MCPH1: variants seen among roughly 807,000 people sequenced by gnomAD.
The protein encoded by MCPH1 is microcephalin.
In MCPH1, 104 loss-of-function variants were observed where a neutral mutation model predicts 84.5. That is an observed-to-expected ratio of 1.23 (90% confidence interval 1.05 to 1.45). The LOEUF (loss-of-function observed/expected upper bound fraction) is 1.45, where lower values mean the gene tolerates loss of function less well. Among genes scored for constraint, MCPH1 ranks in the 40% most tolerant of loss-of-function variants. MCPH1 has a pLI of 0.00. For synonymous variants in MCPH1, 514 were observed against 366.8 expected, an observed-to-expected ratio of 1.40 and a Z score of -4.58; for missense variants, 1,498 against 1,005.7, an observed-to-expected ratio of 1.49 and a Z score of -6.62.
chr8:6,530,791 G>A (rs1819355206), intron 12 of MCPH1, among the ~76,000 whole-genome samples: 1 of 152,116 alleles, frequency 6.6e-6, no homozygotes, highest in Non-Finnish European at 1.5e-5. Flanking sequence ...TTTCACTACT[G>A]TTTTCTCTGA....
At position 6,644,719 on chromosome 8, in the gene MCPH1, C is replaced by T. The variant is rs375428244; in HGVS notation, c.*1670C>T. On this transcript the variant is annotated 3_prime_UTR_variant, in exon 14 of 14. Coordinates refer to ENST00000344683, the MANE Select transcript of MCPH1 (RefSeq NM_024596.5). ...TGCCACTGAGCCCTCATCGTGGTGC[C>T]GTTCCCGCTCTGGGTTATTTATCTG... is the stretch of plus-strand genomic sequence containing the variant. 3.3e-5 allele frequency: 5 copies of T among 152,176 alleles called. No homozygotes were observed. The highest frequency in any genetic ancestry group is 7.2e-5 in the African/African-American group (3 of 41,442). The allele number at this position is 152,176 out of a possible 1,614,324, so 9.4% of individuals were successfully genotyped here.
chr8:6,569,954 C>T (rs1339962167), intron 12 of MCPH1, among the ~76,000 whole-genome samples: 5 of 152,204 alleles, frequency 3.3e-5, no homozygotes, highest in African/African-American at 1.2e-4. Context: ...TGAGCCGGGA[C>T]CATCCTATTA....
At chr8:6,604,527 C>T (rs750197087) in intron 12 of MCPH1, among the ~76,000 whole-genome samples, 10 of 152,228 alleles carry the variant, frequency 6.6e-5, no homozygotes, top group African/African-American at 2.2e-4. Flanking sequence ...TGTTTTGAGA[C>T]GGAGTCTCAC....
At chr8:6,449,420 G>C (rs1167064483) in intron 8 of MCPH1, among the ~76,000 whole-genome samples, 1 of 152,052 alleles carries the variant, frequency 6.6e-6, no homozygotes, top group Non-Finnish European at 1.5e-5. Flanking sequence ...GATCACTTGA[G>C]GTCAGGAGTT....
At chr8:6,528,191 C>T (rs1269900997) in intron 12 of MCPH1, among the ~76,000 whole-genome samples, 1 of 152,206 alleles carries the variant, frequency 6.6e-6, no homozygotes, top group Admixed American at 6.5e-5. Context: ...AGCCACTGCA[C>T]CCGGCCGTTA....
In MCPH1 at chr8:6,524,867, C is replaced by G. The variant is rs184900380; in HGVS notation, c.2214+24938C>G. Among the ~76,000 whole-genome samples, 3 of 152,330 alleles carry G rather than the reference C, an allele frequency of 2.0e-5. No individual in the cohort carries two copies. In the East Asian group the frequency reaches 5.8e-4, roughly 29 times the overall value. ...GACCCTGAGAAGTCACCTTTGGTGT[C>G]ACGAGCACCTTCAGGTGAAAGGAAG... On this transcript the variant is annotated intron_variant, in intron 12 of 13. Transcript: ENST00000344683.
chr8:6,521,427 T>C, intron 12 of MCPH1: 11 of 1,560,278 alleles, frequency 7.1e-6, no homozygotes, highest in Non-Finnish European at 9.7e-6. Context: ...AGGAAAAGAA[T>C]TGTTAGTTAG....
Position 6,519,971 on chromosome 8 carries a change from T to C in MCPH1, c.2214+20042T>C. The C allele has an allele frequency of 1.9e-6, 3 of 1,614,158 alleles. No individual in the cohort carries two copies. In the South Asian group the frequency reaches 3.3e-5, roughly 18 times the overall value. ...TCTCTGAAGCTGATTTGTTCTTCTT[T>C]AGCAACAGTGGGGTCCTTAGCTGCT... On this transcript the variant is annotated intron_variant, in intron 12 of 13. Transcript: ENST00000344683.
chr8:6,414,207 C>A (rs2442547), intron 2 of MCPH1, among the ~76,000 whole-genome samples: 1 of 152,252 alleles, frequency 6.6e-6, no homozygotes, highest in East Asian at 1.9e-4. Context: ...AAGGTTTCAC[C>A]AGGTTGGCTA....
chr8:6,415,430 C>G (rs1446866909), intron 3 of MCPH1, among the ~76,000 whole-genome samples: 4 of 151,758 alleles, frequency 2.6e-5, no homozygotes, highest in African/African-American at 7.3e-5. Context: ...TGGGATTCAT[C>G]TCAACCTTTG....
chr8:6,551,299 G>T (rs991153386), intron 12 of MCPH1, among the ~76,000 whole-genome samples: 20 of 152,162 alleles, frequency 1.3e-4, no homozygotes, highest in African/African-American at 4.3e-4. Flanking sequence ...GGTGAAGAAG[G>T]GGAAAGGAAG....
At chr8:6,432,110 A>G (rs1801925057) in intron 4 of MCPH1, among the ~76,000 whole-genome samples, 1 of 152,176 alleles carries the variant, frequency 6.6e-6, no homozygotes, top group African/African-American at 2.4e-5. Context: ...TTTGCATGTA[A>G]CCTACACAAA....
At chr8:6,615,984 G>C (rs938208386) in intron 12 of MCPH1, 4 of 152,182 alleles carry the variant, frequency 2.6e-5, no homozygotes, top group African/African-American at 9.7e-5. Context: ...AGATTGTGCT[G>C]ATGATCGCAT....
At chr8:6,541,758 C>T (rs1821618918) in intron 12 of MCPH1, among the ~76,000 whole-genome samples, 1 of 152,070 alleles carries the variant, frequency 6.6e-6, no homozygotes, top group South Asian at 2.1e-4. Flanking sequence ...AATCCCAATA[C>T]TTTAGGGGGC....
chr8:6,539,082 G>A (rs13268659), intron 12 of MCPH1, among the ~76,000 whole-genome samples: 47,898 of 151,952 alleles, frequency 0.32, 7,781 homozygotes, highest in East Asian at 0.43. Flanking sequence ...CTAAGCAGCT[G>A]TGTACTCAGC....
intron 9 of MCPH1, among the ~76,000 whole-genome samples, chr8:6,476,683 G>T (rs1476478935): frequency 6.6e-6 from 1 of 152,140 alleles, no homozygotes; most frequent in African/African-American, 2.4e-5. Context: ...CTTCATGTCT[G>T]TCATTTTCGT....
intron 12 of MCPH1, among the ~76,000 whole-genome samples, chr8:6,561,562 T>C (rs1336323018): frequency 6.6e-6 from 1 of 152,224 alleles, no homozygotes; most frequent in South Asian, 2.1e-4. Context: ...TCTAGGGTCA[T>C]GCGTCAAATG....
At chr8:6,510,911 C>A (rs946336064) in intron 12 of MCPH1, among the ~76,000 whole-genome samples, 2 of 152,190 alleles carry the variant, frequency 1.3e-5, no homozygotes, top group Admixed American at 1.3e-4. Context: ...GTGAGACTGG[C>A]CGTAGCTCAG....
intron 7 of MCPH1, among the ~76,000 whole-genome samples, 191 bp downstream of exon 7, chr8:6,442,347 A>G (rs549323413): frequency 5.4e-5 from 4 of 73,752 alleles, no homozygotes; most frequent in Admixed American, 1.8e-4. Context: ...TTTGGTTCCT[A>G]TAGGTTTTTT....
Sources: gnomAD v4.1 joint callset for allele counts (sites outside exome capture counted in the v4.1 genomes callset) on GRCh38, gnomAD v4.1.1 for gene constraint, MANE v1.5 for transcripts, NCBI Gene and HGNC (gene_info 2026-07-23, HGNC 2026-07-21) for gene names.